Variants in FOXP2 observed in about 807,000 individuals in gnomAD.
FOXP2 encodes the protein forkhead box protein P2.
A neutral mutation model predicts 115.8 loss-of-function variants in FOXP2; 12 were observed. The observed-to-expected ratio is 0.10, with a 90% CI of 0.07 to 0.17. FOXP2 has a LOEUF of 0.17. Among genes scored for constraint, FOXP2 ranks in the 10% least tolerant of loss-of-function variants. The probability of loss-of-function intolerance (pLI) is 1.00; values close to 1 mark genes in which losing one functional copy is unlikely to be tolerated. For synonymous variants in FOXP2, 328 were observed against 297.7 expected (o/e 1.10, Z -1.05); for missense variants, 629 against 843.5 (o/e 0.75, Z 3.15).
In FOXP2 at chr7:114,690,070, C is replaced by T. The variant is rs1486997245; in HGVS notation, c.*144C>T. 1.0e-6 allele frequency: 1 copy of T among 975,248 alleles called. No individual in the cohort carries two copies. Among genetic ancestry groups the T allele is most frequent in the Non-Finnish European group, 1.6e-6 (1 of 627,422 alleles). 60.4% of individuals were successfully genotyped at this position (975,248 alleles called of 1,614,324 possible). ...GACAGCCCTAAAGGAACTTACTAAG[C>T]CAGCCCTTTGGGATTCAGTACCAAC... On this transcript the variant is annotated 3_prime_UTR_variant, in exon 17 of 17. Transcript: ENST00000350908.
intron 3 of FOXP2, among the ~76,000 whole-genome samples, chr7:114,625,247 C>T (rs553441716): frequency 1.3e-5 from 2 of 151,764 alleles, no homozygotes; most frequent in South Asian, 2.1e-4. Context: ...CCATTCAAAA[C>T]GAGCTATTTC....
At chr7:114,616,840 C>A (rs531545523) in intron 3 of FOXP2, among the ~76,000 whole-genome samples, 1 of 152,080 alleles carries the variant, frequency 6.6e-6, no homozygotes, top group Non-Finnish European at 1.5e-5. Flanking sequence ...TTTGGCAGCT[C>A]GAGGCTGGAA....
intron 2 of FOXP2, chr7:114,498,851 A>G (rs1281246001): frequency 2.8e-6 from 2 of 717,692 alleles, no homozygotes; most frequent in African/African-American, 1.7e-5. Context: ...TTTCATTTTC[A>G]CTGTCCTTGT....
At chr7:114,582,374 A>G (rs550598382) in intron 3 of FOXP2, among the ~76,000 whole-genome samples, 2 of 152,326 alleles carry the variant, frequency 1.3e-5, no homozygotes, top group South Asian at 4.1e-4. Context: ...AGCTTTGATT[A>G]TCACCTTTTA....
intron 3 of FOXP2, among the ~76,000 whole-genome samples, chr7:114,608,779 A>G (rs1803471109): frequency 6.6e-6 from 1 of 152,234 alleles, no homozygotes; most frequent in Non-Finnish European, 1.5e-5. Flanking sequence ...CATAAAAACA[A>G]CAACAAAAGG....
chr7:114,544,135 A>C (rs922212562), intron 3 of FOXP2, among the ~76,000 whole-genome samples: 2 of 152,076 alleles, frequency 1.3e-5, no homozygotes, highest in African/African-American at 4.8e-5. Flanking sequence ...GGTTATAGTC[A>C]TGAGCCACAG....
At chr7:114,530,663 T>G (rs932101457) in intron 2 of FOXP2, among the ~76,000 whole-genome samples, 7 of 151,914 alleles carry the variant, frequency 4.6e-5, no homozygotes, top group Non-Finnish European at 7.4e-5. Flanking sequence ...AGTATTTATC[T>G]GGCAGGTTAC....
chr7:114,224,018 A>C (rs1452963231), intron 1 of FOXP2, among the ~76,000 whole-genome samples: 1 of 152,084 alleles, frequency 6.6e-6, no homozygotes, highest in Non-Finnish European at 1.5e-5. Context: ...TTTTGTGGAT[A>C]GTGTAATCAG....
chr7:114,597,454 TC>T (rs1403971325), intron 3 of FOXP2, among the ~76,000 whole-genome samples: 2 of 152,108 alleles, frequency 1.3e-5, no homozygotes, highest in Admixed American at 6.6e-5. Context: ...AACCTCTACT[TC>T]TTTGCCAATT....
rs188304782 is a variant in FOXP2 at position 114,685,490 on chromosome 7, A to G, written c.2004-4292A>G. ...CAGTTTCGTTAACTATCAATGACAA[A>G]CTCTTCTTGGCTTTTTATTTGTATT... On this transcript the variant is annotated intron_variant, in intron 16 of 16. Transcript: ENST00000350908. Among the ~76,000 whole-genome samples, 856 of 151,800 alleles carry G rather than the reference A, an allele frequency of 5.6e-3. 3 individuals are homozygous for G. Among genetic ancestry groups the G allele is most frequent in the Middle Eastern group, 0.017 (5 of 292 alleles).
chr7:114,666,111 A>G (rs1807148792), intron 16 of FOXP2: 1 of 152,086 alleles, frequency 6.6e-6, no homozygotes, highest in South Asian at 2.1e-4. Flanking sequence ...TATTGCTGCT[A>G]TGGGTTTATA....
intron 1 of FOXP2, among the ~76,000 whole-genome samples, chr7:114,421,503 T>A (rs1477171158): frequency 6.6e-6 from 1 of 151,680 alleles, no homozygotes; most frequent in East Asian, 1.9e-4. Context: ...GAATTTTTAC[T>A]AAAGTGTTTT....
At chr7:114,245,731 C>T (rs1054041920) in intron 1 of FOXP2, among the ~76,000 whole-genome samples, 6 of 151,848 alleles carry the variant, frequency 4.0e-5, no homozygotes, top group African/African-American at 1.4e-4. Context: ...TTTTTGTTTT[C>T]ATGTTTATAA....
chr7:114,666,766 A>T (rs1026846635), intron 16 of FOXP2: 1 of 152,154 alleles, frequency 6.6e-6, no homozygotes, highest in South Asian at 2.1e-4. Flanking sequence ...CAGATTCAAT[A>T]GTTAATAGCC....
At chr7:114,430,649 A>C (rs187187732) in intron 2 of FOXP2, among the ~76,000 whole-genome samples, 1 of 151,948 alleles carries the variant, frequency 6.6e-6, no homozygotes, top group East Asian at 1.9e-4. Context: ...TCTTTGGCAT[A>C]TTGGATTTAT....
At chr7:114,255,979 A>C (rs1398034325) in intron 1 of FOXP2, among the ~76,000 whole-genome samples, 1 of 152,190 alleles carries the variant, frequency 6.6e-6, no homozygotes, top group Non-Finnish European at 1.5e-5. Context: ...TGTCTTCCAC[A>C]ATGGTTGAAC....
intron 1 of FOXP2, among the ~76,000 whole-genome samples, chr7:114,121,931 T>C (rs1305635180): frequency 2.0e-5 from 3 of 152,076 alleles, no homozygotes. Flanking sequence ...AAGTACCTAT[T>C]TGAAGAAACA....
At chr7:114,365,674 T>A (rs1362694815) in intron 2 of FOXP2, among the ~76,000 whole-genome samples, 1 of 152,206 alleles carries the variant, frequency 6.6e-6, no homozygotes, top group Non-Finnish European at 1.5e-5. Flanking sequence ...TAAGATTTTT[T>A]AAGTTGTTTC....
At chr7:114,454,093 G>A (rs1478214146) in intron 2 of FOXP2, among the ~76,000 whole-genome samples, 3 of 149,980 alleles carry the variant, frequency 2.0e-5, no homozygotes, top group East Asian at 2.0e-4. Context: ...CCTACAAAAT[G>A]GGAGAAAATT....
Sources: gnomAD v4.1 joint callset for allele counts (sites outside exome capture counted in the v4.1 genomes callset) on GRCh38, gnomAD v4.1.1 for gene constraint, MANE v1.5 for transcripts, NCBI Gene and HGNC (gene_info 2026-07-23, HGNC 2026-07-21) for gene names.